Variants in RBFOX1 observed in about 807,000 individuals in gnomAD.
The protein encoded by RBFOX1 is RNA binding protein fox-1 homolog 1.
RBFOX1 carries 8 observed loss-of-function variants against 57.7 expected under a neutral mutation model. That is an observed-to-expected ratio of 0.14 (90% confidence interval 0.08 to 0.25). RBFOX1 has a LOEUF of 0.25. RBFOX1 is among the 10% of genes least tolerant of loss of function. The pLI, the probability that RBFOX1 is intolerant of heterozygous loss-of-function variation, is 1.00. For synonymous variants in RBFOX1, 326 were observed against 222.4 expected (o/e 1.47, Z -4.15); for missense variants, 611 against 548.5 (o/e 1.11, Z -1.14).
chr16:6,688,554 G>A (rs909729233), intron 3 of RBFOX1, among the ~76,000 whole-genome samples: 1 of 152,202 alleles, frequency 6.6e-6, no homozygotes, highest in Non-Finnish European at 1.5e-5. Flanking sequence ...CCGTAGTGGG[G>A]ACAATAGGAG....
intron 3 of RBFOX1, among the ~76,000 whole-genome samples, chr16:6,942,540 T>A (rs2078734214): frequency 6.6e-6 from 1 of 152,098 alleles, no homozygotes; most frequent in Non-Finnish European, 1.5e-5. Context: ...TTAGAGCATT[T>A]TCCTGTGGAA....
At position 5,264,745 on chromosome 16, in the gene RBFOX1, T is replaced by C. The variant is rs576322215; in HGVS notation, c.219+24640T>C. Among the ~76,000 whole-genome samples, 303 of 152,234 alleles carry C rather than the reference T, an allele frequency of 2.0e-3. 3 individuals carry two copies. The highest frequency in any genetic ancestry group is 0.018 in the Admixed American group (271 of 15,286). ...AGAGGTGCAGTGTGAGACTTCTAGC[T>C]AGGAGCTTTTAATTCTTAGTACAGG... On this transcript the variant is annotated intron_variant, in intron 1 of 2. Coordinates refer to the RBFOX1 transcript ENST00000585867.
intron 3 of RBFOX1, among the ~76,000 whole-genome samples, chr16:6,950,350 A>G (rs1183174039): frequency 1.3e-5 from 2 of 151,944 alleles, no homozygotes; most frequent in African/African-American, 4.8e-5. Flanking sequence ...AATCACAGTT[A>G]CTTGTGTGGA....
intron 1 of RBFOX1, among the ~76,000 whole-genome samples, chr16:6,125,373 T>A (rs982114540): frequency 6.6e-6 from 1 of 152,128 alleles, no homozygotes; most frequent in Non-Finnish European, 1.5e-5. Flanking sequence ...AGCAATAGAA[T>A]AGGTGTTGGG....
intron 1 of RBFOX1, among the ~76,000 whole-genome samples, chr16:5,275,243 C>G (rs548607892): frequency 6.6e-6 from 1 of 152,258 alleles, no homozygotes; most frequent in South Asian, 2.1e-4. Context: ...GAGTAATGAT[C>G]AAATCAGGGT....
chr16:6,061,343 C>G (rs534918046), intron 1 of RBFOX1, among the ~76,000 whole-genome samples: 1 of 151,920 alleles, frequency 6.6e-6, no homozygotes, highest in African/African-American at 2.4e-5. Flanking sequence ...TGGGTGTAAG[C>G]GACAAGTGGT....
intron 2 of RBFOX1, among the ~76,000 whole-genome samples, chr16:6,408,228 T>C (rs552148713): frequency 1.6e-4 from 25 of 152,240 alleles, no homozygotes; most frequent in African/African-American, 6.0e-4. Flanking sequence ...GACAAAGACA[T>C]TCCCTAAAAG....
At chr16:5,953,408 G>T (rs971385695) in intron 4 of RBFOX1, among the ~76,000 whole-genome samples, 1 of 151,978 alleles carries the variant, frequency 6.6e-6, no homozygotes, top group Non-Finnish European at 1.5e-5. Context: ...AGTTCTTTAG[G>T]GGTGATTTGT....
intron 4 of RBFOX1, among the ~76,000 whole-genome samples, chr16:5,872,132 C>G (rs2057489575): frequency 6.6e-6 from 1 of 152,136 alleles, no homozygotes; most frequent in Non-Finnish European, 1.5e-5. Context: ...TAAAAGACAC[C>G]AGTGCGTTTG....
chr16:6,718,786 G>A (rs536499867), intron 3 of RBFOX1, among the ~76,000 whole-genome samples: 6 of 152,304 alleles, frequency 3.9e-5, no homozygotes, highest in Admixed American at 3.9e-4. Flanking sequence ...CAACTAGGTT[G>A]ACTCCAGTCT....
At chr16:5,717,477 A>G (rs771879490) in intron 3 of RBFOX1, among the ~76,000 whole-genome samples, 16 of 152,256 alleles carry the variant, frequency 1.1e-4, no homozygotes, top group South Asian at 6.2e-4. Context: ...ACTGTATCCA[A>G]TATGTAGTCT....
intron 4 of RBFOX1, among the ~76,000 whole-genome samples, chr16:5,918,909 A>G (rs1418817539): frequency 6.6e-6 from 1 of 152,198 alleles, no homozygotes; most frequent in East Asian, 1.9e-4. Context: ...GTCCAGCTCC[A>G]AGGAATGCTG....
chr16:7,159,685 G>C (rs1331612280), intron 4 of RBFOX1, among the ~76,000 whole-genome samples: 1 of 152,122 alleles, frequency 6.6e-6, no homozygotes, highest in Non-Finnish European at 1.5e-5. Flanking sequence ...AGTTTTGTTT[G>C]GATCTGCCAA....
chr16:7,626,683 G>A (rs780999181), intron 10 of RBFOX1, among the ~76,000 whole-genome samples: 11 of 151,512 alleles, frequency 7.3e-5, no homozygotes, highest in African/African-American at 2.7e-4. Flanking sequence ...ATTTCAATCT[G>A]TAAAAGTTAT....
At chr16:5,652,069 G>A (rs2049258781) in intron 3 of RBFOX1, among the ~76,000 whole-genome samples, 1 of 152,120 alleles carries the variant, frequency 6.6e-6, no homozygotes, top group African/African-American at 2.4e-5. Context: ...TGGAGGAAGA[G>A]GTTCTAGTGA....
chr16:7,061,571 C>CA (rs759292684), intron 4 of RBFOX1, among the ~76,000 whole-genome samples: 21 of 152,038 alleles, frequency 1.4e-4, no homozygotes, highest in South Asian at 1.2e-3. Context: ...GGAGAAGACT[C>CA]AAAAAAAAGT....
intron 4 of RBFOX1, among the ~76,000 whole-genome samples, chr16:7,190,466 C>T (rs892132524): frequency 6.6e-6 from 1 of 152,150 alleles, no homozygotes; most frequent in Non-Finnish European, 1.5e-5. Context: ...AAATTCCCAA[C>T]AGGTATTTTT....
chr16:6,707,602 C>T (rs990950491), intron 3 of RBFOX1, among the ~76,000 whole-genome samples: 2 of 149,788 alleles, frequency 1.3e-5, no homozygotes, highest in Non-Finnish European at 3.0e-5. Context: ...AATGGACATA[C>T]TGAATTGAAG....
At chr16:5,466,884 C>T (rs930924314) in intron 1 of RBFOX1, among the ~76,000 whole-genome samples, 5 of 152,158 alleles carry the variant, frequency 3.3e-5, no homozygotes, top group African/African-American at 9.6e-5. Context: ...CTCTCCACCC[C>T]GTAATTCATC....
Sources: allele counts gnomAD v4.1 joint callset (sites outside exome capture counted in the v4.1 genomes callset), GRCh38; gene constraint gnomAD v4.1.1; transcripts MANE v1.5; gene names NCBI Gene and HGNC (gene_info 2026-07-23, HGNC 2026-07-21).